LRRC3C: variants seen among roughly 807,000 people sequenced by gnomAD.
LRRC3C encodes leucine rich repeat containing 3C, also known as leucine-rich repeat-containing protein 3C.
LRRC3C carries 11 observed loss-of-function variants against 14.8 expected under a neutral mutation model. That is an observed-to-expected ratio of 0.74 (90% CI 0.47 to 1.23). The LOEUF (loss-of-function observed/expected upper bound fraction) is 1.23. Among genes scored for constraint, LRRC3C ranks in the 50% most tolerant of loss-of-function variants. The probability of loss-of-function intolerance (pLI) is 0.00; values close to 1 mark genes in which losing one functional copy is unlikely to be tolerated. For missense variants in LRRC3C, 354 were observed against 361.8 expected (o/e 0.98, Z 0.18); for synonymous variants, 149 against 161.5 (o/e 0.92, Z 0.59).
chr17:39,933,737 AAAAAG>A (rs1978720923), intron 1 of LRRC3C, among the ~76,000 whole-genome samples: 1 of 152,182 alleles, frequency 6.6e-6, no homozygotes, highest in Non-Finnish European at 1.5e-5. Flanking sequence ...CGTCTCAAAA[AAAAAG>A]AAAAGAAAAA....
chr17:39,932,767 A>C (rs1321317885), intron 1 of LRRC3C, among the ~76,000 whole-genome samples: 1 of 148,724 alleles, frequency 6.7e-6, no homozygotes, highest in Admixed American at 6.7e-5. Flanking sequence ...TTAAAACAAC[A>C]ACAACCGGGC....
In LRRC3C at chr17:39,937,009, C is replaced by T. The variant is rs1355982870; in HGVS notation, c.-82+1115C>T. 5.9e-5 allele frequency among the ~76,000 whole-genome samples: 9 copies of T among 151,920 alleles called. No homozygotes were observed. In the South Asian group the frequency reaches 6.2e-4, roughly 11 times the overall value. On this transcript the variant is annotated intron_variant, in intron 2 of 3. Transcript: ENST00000377924. ...AAAATTGGCTGGGCATGGTGGTGCA[C>T]GCCTGTAATCCCAGCTACTCAGGAG... is the stretch of plus-strand genomic sequence containing the variant.
At chr17:39,939,524 C>A in intron 2 of LRRC3C, 2 of 527,908 alleles carry the variant, frequency 3.8e-6, no homozygotes, top group Non-Finnish European at 4.9e-6. Flanking sequence ...CCAGATGAAG[C>A]CCCAGCATAA....
chr17:39,931,294 A>C (rs1978643535), intron 1 of LRRC3C, among the ~76,000 whole-genome samples: 1 of 150,826 alleles, frequency 6.6e-6, no homozygotes, highest in African/African-American at 2.4e-5. Context: ...AAATAGAAAA[A>C]AATTAGCCAG....
intron 2 of LRRC3C, chr17:39,939,507 A>G (rs1978884414): frequency 1.5e-6 from 1 of 654,066 alleles, no homozygotes; most frequent in Non-Finnish European, 1.9e-6. Context: ...ATTTTAATGT[A>G]ATTGGTCCAG....
chr17:39,930,429 C>T (rs1205659190), intron 1 of LRRC3C, among the ~76,000 whole-genome samples: 4 of 129,878 alleles, frequency 3.1e-5, no homozygotes, highest in Non-Finnish European at 1.6e-5. Context: ...AAAAAAAGGC[C>T]GGGCATGGTC....
At chr17:39,930,277 CAAAA>C (rs61165669) in intron 1 of LRRC3C, among the ~76,000 whole-genome samples, 12 of 57,548 alleles carry the variant, frequency 2.1e-4, no homozygotes, top group African/African-American at 3.7e-4. Context: ...GATCCTGTCT[CAAAA>C]AAAAAAAAAA....
rs1385065020 is a variant in LRRC3C, at chr17:39,944,571, A to T, written c.665A>T (p.Asp222Val). ...SGWGGARRST[D>V]VALLVTMGGW... ...TGGGGTGGGGCCCGGAGGAGCACCG[A>T]TGTGGCCCTGCTGGTCACCATGGGG... Residue 222 changes from aspartate to valine, a missense_variant, in exon 4 of 4, where the codon GAT (aspartate) becomes GTT (valine). Transcript: ENST00000377924. 8 of 1,532,712 alleles carry T rather than the reference A, an allele frequency of 5.2e-6. No individual in the cohort carries two copies. Among genetic ancestry groups the T allele is most frequent in the Non-Finnish European group, 7.0e-6 (8 of 1,145,270 alleles). 94.9% of individuals were successfully genotyped at this position (1,532,712 alleles called of 1,614,324 possible).
chr17:39,940,228 A>G (rs1318112849), intron 2 of LRRC3C, among the ~76,000 whole-genome samples: 1 of 152,162 alleles, frequency 6.6e-6, no homozygotes, highest in African/African-American at 2.4e-5. Context: ...AGATGATATC[A>G]TCTGGCATCC....
intron 2 of LRRC3C, among the ~76,000 whole-genome samples, chr17:39,938,024 T>C (rs1978844638): frequency 6.6e-6 from 1 of 152,042 alleles, no homozygotes; most frequent in Non-Finnish European, 1.5e-5. Flanking sequence ...CCCAGCTTCT[T>C]GGGAGGCTGA....
intron 3 of LRRC3C, among the ~76,000 whole-genome samples, chr17:39,942,268 C>T (rs543212110): frequency 1.3e-5 from 2 of 152,306 alleles, no homozygotes; most frequent in South Asian, 4.1e-4. Context: ...AGGTGACATG[C>T]CCAGGTCACA....
chr17:39,933,114 G>T (rs1290403017), intron 1 of LRRC3C, among the ~76,000 whole-genome samples: 1 of 152,112 alleles, frequency 6.6e-6, no homozygotes, highest in Non-Finnish European at 1.5e-5. Context: ...CTTGAATCAG[G>T]ATGAAGGGAT....
At chr17:39,935,372 C>A (rs542750546) in intron 1 of LRRC3C, among the ~76,000 whole-genome samples, 1 of 152,142 alleles carries the variant, frequency 6.6e-6, no homozygotes, top group Non-Finnish European at 1.5e-5. Context: ...GTGACCCTGG[C>A]GGATCCCTCA....
chr17:39,928,846 C>T (rs575121061), intron 1 of LRRC3C, among the ~76,000 whole-genome samples: 1 of 152,228 alleles, frequency 6.6e-6, no homozygotes, highest in Non-Finnish European at 1.5e-5. Context: ...AGTTGTCACA[C>T]AGCTGGAGTG....
At chr17:39,928,226 CAT>C (rs1978543343) in intron 1 of LRRC3C, among the ~76,000 whole-genome samples, 1 of 152,240 alleles carries the variant, frequency 6.6e-6, no homozygotes, top group East Asian at 1.9e-4. Flanking sequence ...GGCTACGTAT[CAT>C]AGATTCCTCC....
chr17:39,930,809 G>T (rs1452123214), intron 1 of LRRC3C, among the ~76,000 whole-genome samples: 1 of 151,658 alleles, frequency 6.6e-6, no homozygotes, highest in Non-Finnish European at 1.5e-5. Context: ...ATGTTTAGGC[G>T]TGATATGGAA....
intron 1 of LRRC3C, chr17:39,929,222 C>T (rs1441615566): frequency 6.6e-6 from 1 of 152,218 alleles, no homozygotes; most frequent in African/African-American, 2.4e-5. Flanking sequence ...TGATCGATCC[C>T]TCTGGATCTT....
intron 2 of LRRC3C, among the ~76,000 whole-genome samples, chr17:39,937,841 CCATCA>C (rs1978840154): frequency 6.6e-6 from 1 of 152,098 alleles, no homozygotes; most frequent in South Asian, 2.1e-4. Context: ...TTGAAAATTC[CCATCA>C]CCTGGCCAGG....
At position 39,928,710 on chromosome 17, in the gene LRRC3C, T is replaced by C. The variant is rs75433907; in HGVS notation, c.-175+896T>C. ...CATGGCATGCCAACCTGACTCTGAATGGCAGTTCATGGCACCCTGAACTGA... is the reference window on the plus strand; with the variant it reads ...CATGGCATGCCAACCTGACTCTGAACGGCAGTTCATGGCACCCTGAACTGA... On this transcript the variant is annotated intron_variant, in intron 1 of 3. Coordinates refer to ENST00000377924, the MANE Select transcript of LRRC3C (RefSeq NM_001195545.2). 9.5e-4 allele frequency among the ~76,000 whole-genome samples: 145 copies of C among 152,316 alleles called. No homozygotes were observed. The East Asian group carries it at 0.016, about 17-fold the overall frequency.
Sources: gnomAD v4.1 joint callset for allele counts (sites outside exome capture counted in the v4.1 genomes callset) on GRCh38, gnomAD v4.1.1 for gene constraint, MANE v1.5 for transcripts, NCBI Gene and HGNC (gene_info 2026-07-23, HGNC 2026-07-21) for gene names.